The following DOCK3 variants were observed in gnomAD, a reference collection of about 807,000 sequenced individuals.
DOCK3 encodes dedicator of cytokinesis 3.
Under a neutral mutation model 265.6 loss-of-function variants are expected in DOCK3, and 60 were observed. The ratio of observed to expected loss-of-function variants is 0.23; its 90% CI spans 0.18 to 0.28. The LOEUF is 0.28. Among genes scored for constraint, DOCK3 ranks in the 10% least tolerant of loss-of-function variants. DOCK3 has a pLI of 1.00. For synonymous variants in DOCK3, 881 were observed against 938.0 expected, an observed-to-expected ratio of 0.94 and a Z score of 1.11; for missense variants, 1,981 against 2,594.3, an observed-to-expected ratio of 0.76 and a Z score of 5.14.
At chr3:50,812,540 A>G (rs901800170) in intron 2 of DOCK3, among the ~76,000 whole-genome samples, 7 of 152,226 alleles carry the variant, frequency 4.6e-5, no homozygotes, top group Non-Finnish European at 5.9e-5. Flanking sequence ...CAAGCTATAG[A>G]CCCAGGAGAG....
chr3:50,715,230 A>C (rs2037027094), intron 1 of DOCK3, among the ~76,000 whole-genome samples: 1 of 152,188 alleles, frequency 6.6e-6, no homozygotes, highest in Non-Finnish European at 1.5e-5. Flanking sequence ...AGAGACAAGG[A>C]AATGCATGAG....
intron 9 of DOCK3, among the ~76,000 whole-genome samples, chr3:51,090,680 C>T (rs908240891): frequency 6.6e-6 from 1 of 152,064 alleles, no homozygotes; most frequent in Non-Finnish European, 1.5e-5. Context: ...ACAAAAAAGG[C>T]ATAGGAGAAA....
chr3:50,947,865 T>C (rs912319952), intron 5 of DOCK3, among the ~76,000 whole-genome samples: 15 of 150,110 alleles, frequency 1.0e-4, no homozygotes, highest in South Asian at 8.3e-4. Context: ...TTTTTCTTTT[T>C]TTTTTTTTTT....
At chr3:51,232,339 T>C (rs998632424) in intron 19 of DOCK3, among the ~76,000 whole-genome samples, 3 of 152,182 alleles carry the variant, frequency 2.0e-5, no homozygotes, top group Non-Finnish European at 2.9e-5. Flanking sequence ...TAAATATGCA[T>C]GTGCGTGTAT....
chr3:51,132,983 G>A (rs2084627274), intron 9 of DOCK3, among the ~76,000 whole-genome samples: 1 of 151,986 alleles, frequency 6.6e-6, no homozygotes, highest in Non-Finnish European at 1.5e-5. Flanking sequence ...AGACAACACT[G>A]ATGGCCTCCC....
At chr3:51,182,256 T>C (rs1251830168) in intron 12 of DOCK3, among the ~76,000 whole-genome samples, 1 of 152,196 alleles carries the variant, frequency 6.6e-6, no homozygotes, top group Non-Finnish European at 1.5e-5. Flanking sequence ...AGTTTTCTCA[T>C]CGTTAACAAT....
chr3:50,782,289 A>ATTTTTTTTTTTTTTTTTTT (rs71084112), intron 2 of DOCK3, among the ~76,000 whole-genome samples: 1 of 110,022 alleles, frequency 9.1e-6, no homozygotes, highest in African/African-American at 3.6e-5. Context: ...AGTACCTGTT[A>ATTTTTTTTTTTTTTTTTTT]TTTTTTTTTT....
chr3:51,170,537 A>G (rs1178000256), intron 12 of DOCK3, among the ~76,000 whole-genome samples: 2 of 152,178 alleles, frequency 1.3e-5, no homozygotes, highest in African/African-American at 4.8e-5. Context: ...AATTGTACAT[A>G]GAAGTTTGTT....
At chr3:50,843,897 G>A (rs2045959801) in intron 3 of DOCK3, among the ~76,000 whole-genome samples, 1 of 152,102 alleles carries the variant, frequency 6.6e-6, no homozygotes, top group Non-Finnish European at 1.5e-5. Flanking sequence ...TTTAGTGTTT[G>A]TAAAATATAA....
intron 1 of DOCK3, among the ~76,000 whole-genome samples, chr3:50,766,862 T>C (rs1313041966): frequency 6.6e-6 from 1 of 152,264 alleles, no homozygotes; most frequent in Non-Finnish European, 1.5e-5. Context: ...TTTGCATTTC[T>C]CTTATGACCA....
chr3:51,169,191 A>G (rs2086552724), intron 12 of DOCK3, among the ~76,000 whole-genome samples: 1 of 152,188 alleles, frequency 6.6e-6, no homozygotes, highest in African/African-American at 2.4e-5. Flanking sequence ...TTCCTCAAAA[A>G]CCTAAAAGCA....
chr3:51,221,404 G>T (rs1189018156), intron 14 of DOCK3, among the ~76,000 whole-genome samples: 2 of 152,080 alleles, frequency 1.3e-5, no homozygotes, highest in East Asian at 3.9e-4. Context: ...GCCTATTTTT[G>T]TACTTCTTGC....
At chr3:51,182,947 A>G (rs1323789730) in intron 12 of DOCK3, among the ~76,000 whole-genome samples, 4 of 152,286 alleles carry the variant, frequency 2.6e-5, no homozygotes, top group Admixed American at 2.6e-4. Flanking sequence ...GCCCATTCCT[A>G]TTTCCTCTCT....
chr3:51,016,988 TTAG>T (rs1197639225), intron 5 of DOCK3, among the ~76,000 whole-genome samples: 1 of 138,682 alleles, frequency 7.2e-6, no homozygotes, highest in African/African-American at 2.7e-5. Flanking sequence ...ATGGTAAAAT[TTAG>T]TAGTAAAACC....
At chr3:51,035,464 A>G (rs2080230190) in intron 5 of DOCK3, among the ~76,000 whole-genome samples, 1 of 151,952 alleles carries the variant, frequency 6.6e-6, no homozygotes, top group African/African-American at 2.4e-5. Flanking sequence ...TTATTTTGTC[A>G]TTTATTAAGG....
chr3:51,048,905 A>G (rs1296682912), intron 5 of DOCK3, among the ~76,000 whole-genome samples: 1 of 152,100 alleles, frequency 6.6e-6, no homozygotes, highest in Non-Finnish European at 1.5e-5. Context: ...TACAATGGAA[A>G]ATAATGTGTT....
rs2082591479 is a variant in DOCK3 at position 51,090,316 on chromosome 3, C to T, written c.678C>T (p.Tyr226=). The change falls in exon 9 of 53, where the codon TAC becomes TAT. Residue 226 remains tyrosine, a synonymous_variant. Transcript: ENST00000266037. ...HFFLSLKSFT[Y]NTIGEDTDVF... is the part of the protein sequence containing the mutation. Reference sequence around the variant, plus strand: ...TCCTCAGCCTGAAGAGTTTCACTTACAATACTATTGGGGAAGATACCGATG... The same window carrying T: ...TCCTCAGCCTGAAGAGTTTCACTTATAATACTATTGGGGAAGATACCGATG... 6.2e-7 allele frequency: 1 copy of T among 1,603,826 alleles called. No individual in the cohort carries two copies. The highest frequency in any genetic ancestry group is 8.5e-7 in the Non-Finnish European group (1 of 1,175,006).
chr3:50,995,905 G>A (rs949268522), intron 5 of DOCK3, among the ~76,000 whole-genome samples: 19 of 147,002 alleles, frequency 1.3e-4, no homozygotes, highest in African/African-American at 4.5e-4. Flanking sequence ...CCTTTTTGGC[G>A]GGGGCGGAGG....
In DOCK3 at chr3:50,858,360, C is replaced by T. The variant is rs369368478; in HGVS notation, c.162+16645C>T. On this transcript the variant is annotated intron_variant, in intron 3 of 52. Coordinates refer to ENST00000266037, the MANE Select transcript of DOCK3 (RefSeq NM_004947.5). ...AGTTGATGGGTGCAGCATACCAACA[C>T]GACACATATATAAATATGTATCAAA... is the stretch of plus-strand genomic sequence containing the variant. Among the ~76,000 whole-genome samples, 25 of 151,616 alleles carry T rather than the reference C, an allele frequency of 1.6e-4. 1 individual carries two copies. The East Asian group carries it at 3.1e-3, about 19-fold the overall frequency.
Sources: gnomAD v4.1 joint callset for allele counts (sites outside exome capture counted in the v4.1 genomes callset) on GRCh38, gnomAD v4.1.1 for gene constraint, MANE v1.5 for transcripts, NCBI Gene and HGNC (gene_info 2026-07-23, HGNC 2026-07-21) for gene names.